BCL7C: variants seen among roughly 807,000 people sequenced by gnomAD.
BCL7C encodes B-cell CLL/lymphoma 7 protein family member C.
A neutral mutation model predicts 26.2 loss-of-function variants in BCL7C; 8 were observed. That is an observed-to-expected ratio of 0.30 (90% CI 0.18 to 0.55). BCL7C has a LOEUF of 0.55. Among genes scored for constraint, BCL7C ranks in the 20% least tolerant of loss-of-function variants. The pLI is 0.93. For missense variants in BCL7C, 262 were observed against 298.5 expected (o/e 0.88, Z 0.90); for synonymous variants, 90 against 116.5 (o/e 0.77, Z 1.47).
At chr16:30,876,741 G>T (rs529339383) in intron 5 of BCL7C, among the ~76,000 whole-genome samples, 7 of 152,338 alleles carry the variant, frequency 4.6e-5, no homozygotes, top group African/African-American at 1.7e-4. Flanking sequence ...TTCACAGACA[G>T]AGGGAACGGG....
chr16:30,849,821 C>T lies in BCL7C; in HGVS notation c.529-14673G>A, dbSNP rs895235249. On this transcript the variant is annotated intron_variant, in intron 5 of 5. Coordinates refer to the BCL7C transcript ENST00000380317. ...CTCAGGCTGGAATGAATGGTACGAT[C>T]GCAGCTCACTGCAGCCTCCACCATG... is the stretch of plus-strand genomic sequence containing the variant. Among the ~76,000 whole-genome samples the T allele has an allele frequency of 2.0e-5, 3 of 150,504 alleles. No homozygotes were observed. The East Asian group carries it at 5.9e-4, about 29-fold the overall frequency.
chr16:30,840,393 T>C (rs1223586067), intron 5 of BCL7C, among the ~76,000 whole-genome samples: 3 of 152,070 alleles, frequency 2.0e-5, no homozygotes, highest in Non-Finnish European at 4.4e-5. Flanking sequence ...AATTTTTTTA[T>C]TTTTAATAGA....
intron 5 of BCL7C, among the ~76,000 whole-genome samples, chr16:30,881,591 C>T (rs1441196276): frequency 2.0e-5 from 3 of 152,162 alleles, no homozygotes; most frequent in Admixed American, 2.0e-4. Flanking sequence ...TTAGTACTGC[C>T]CTTGTTTTCA....
Position 30,890,432 on chromosome 16 carries a change from C to T in BCL7C, c.443-1487G>A, listed in dbSNP as rs2055208122. 2.6e-5 allele frequency among the ~76,000 whole-genome samples: 4 copies of T among 152,078 alleles called. No individual in the cohort carries two copies. The South Asian group carries it at 8.3e-4, about 32-fold the overall frequency. Reference sequence around the variant, plus strand: ...AAAGCAGAGCTGATGAGGACACAGGCCCAAGATGCTGGCTCACTGGCTGAG... The same window carrying T: ...AAAGCAGAGCTGATGAGGACACAGGTCCAAGATGCTGGCTCACTGGCTGAG... On this transcript the variant is annotated intron_variant, in intron 4 of 5. Coordinates refer to ENST00000215115, the MANE Select transcript of BCL7C (RefSeq NM_004765.4).
chr16:30,889,022 GTCACA>G, intron 4 of BCL7C, 77 bp from the exon 5 acceptor site: 1 of 1,401,360 alleles, frequency 7.1e-7, no homozygotes, highest in Non-Finnish European at 1.0e-6. Flanking sequence ...GAAACAGATG[GTCACA>G]GGCCCCAGTC....
intron 5 of BCL7C, among the ~76,000 whole-genome samples, chr16:30,881,392 T>TCACACACACACACACACACA (rs72155482): frequency 3.5e-4 from 51 of 144,218 alleles, no homozygotes; most frequent in South Asian, 1.2e-3. Flanking sequence ...TGAGACTCCG[T>TCACACACACACACACACACA]CACACACACA....
At chr16:30,881,381 G>A (rs2055040320) in intron 5 of BCL7C, among the ~76,000 whole-genome samples, 1 of 123,308 alleles carries the variant, frequency 8.1e-6, no homozygotes, top group Admixed American at 8.8e-5. Context: ...GGGTGACAGA[G>A]TGAGACTCCG....
intron 5 of BCL7C, among the ~76,000 whole-genome samples, chr16:30,863,791 C>T (rs2054798128): frequency 6.6e-6 from 1 of 152,168 alleles, no homozygotes; most frequent in Admixed American, 6.6e-5. Context: ...TAACCTCTTC[C>T]ATGTAGGTTA....
chr16:30,892,606 GGGGGCTGAGCCTCCTCA>G lies in BCL7C; in HGVS notation c.405_421del (p.Glu136ThrfsTer35). The G allele has an allele frequency of 6.3e-7, 1 of 1,582,324 alleles. No individual in the cohort carries two copies. Among genetic ancestry groups the G allele is most frequent in the Non-Finnish European group, 8.6e-7 (1 of 1,168,324 alleles). Reference sequence around the variant, plus strand: ...CCTACCTCTCTCTTGGCCCAGCCGTGGGGGCTGAGCCTCCTCAGGGACCCCTTCTGGGGGTCCGGCAG... The same window carrying G: ...CCTACCTCTCTCTTGGCCCAGCCGTGGGGACCCCTTCTGGGGGTCCGGCAG... On this transcript the variant is annotated frameshift_variant, in exon 4 of 6. Coordinates refer to ENST00000215115, the MANE Select transcript of BCL7C (RefSeq NM_004765.4). LOFTEE classifies it high-confidence loss of function.
chr16:30,841,972 A>G (rs2054605230), intron 5 of BCL7C, among the ~76,000 whole-genome samples: 2 of 135,252 alleles, frequency 1.5e-5, no homozygotes. Flanking sequence ...AAAAAAAAAA[A>G]AAAAAGCTCA....
chr16:30,836,018 T>C (rs1336089636), intron 5 of BCL7C, among the ~76,000 whole-genome samples: 1 of 150,104 alleles, frequency 6.7e-6, no homozygotes, highest in East Asian at 2.0e-4. Flanking sequence ...TTTGGGAGGC[T>C]GAGGTGGGCG....
chr16:30,851,848 C>A, intron 5 of BCL7C: 1 of 256,764 alleles, frequency 3.9e-6, no homozygotes. Context: ...ATAAAATCGA[C>A]TTTTTGTCAC....
chr16:30,864,943 C>A (rs774618608), intron 5 of BCL7C, among the ~76,000 whole-genome samples: 2 of 148,158 alleles, frequency 1.3e-5, no homozygotes, highest in East Asian at 2.0e-4. Context: ...CCGAGGTTGG[C>A]GGATCACAAG....
At chr16:30,840,306 C>G (rs1321720155) in intron 5 of BCL7C, among the ~76,000 whole-genome samples, 1 of 151,536 alleles carries the variant, frequency 6.6e-6, no homozygotes, top group African/African-American at 2.4e-5. Context: ...CAACCTCTGC[C>G]TCCCAGGTTC....
At chr16:30,883,223 C>G (rs921004431), downstream of BCL7C, among the ~76,000 whole-genome samples, 1 of 151,932 alleles carries the variant, frequency 6.6e-6, no homozygotes, top group Non-Finnish European at 1.5e-5. Flanking sequence ...AGGTGGGGCC[C>G]GAGAGCCAGG....
At chr16:30,859,628 C>G (rs564388913) in intron 5 of BCL7C, among the ~76,000 whole-genome samples, 1 of 149,790 alleles carries the variant, frequency 6.7e-6, no homozygotes, top group South Asian at 2.2e-4. Context: ...ATATTCTCCC[C>G]CCTCCCCACC....
At chr16:30,873,410 T>C (rs1209118626) in intron 5 of BCL7C, among the ~76,000 whole-genome samples, 1 of 152,184 alleles carries the variant, frequency 6.6e-6, no homozygotes. Flanking sequence ...TGGTTTCTTT[T>C]AGGGGTAATG....
At chr16:30,866,918 GT>G (rs1005834929) in intron 5 of BCL7C, among the ~76,000 whole-genome samples, 2 of 152,108 alleles carry the variant, frequency 1.3e-5, no homozygotes, top group African/African-American at 4.8e-5. Context: ...GCTGAGCATG[GT>G]GGTGCACACC....
chr16:30,872,385 G>A (rs2054889313), intron 5 of BCL7C, among the ~76,000 whole-genome samples: 1 of 152,152 alleles, frequency 6.6e-6, no homozygotes, highest in African/African-American at 2.4e-5. Flanking sequence ...GTCATGGAGT[G>A]TAAGGGACCC....
Sources: allele counts gnomAD v4.1 joint callset (sites outside exome capture counted in the v4.1 genomes callset), GRCh38; gene constraint gnomAD v4.1.1; transcripts MANE v1.5; gene names NCBI Gene and HGNC (gene_info 2026-07-23, HGNC 2026-07-21).